The following GPR173 variants were observed in gnomAD, a reference collection of about 807,000 sequenced individuals.
GPR173 encodes the protein G protein-coupled receptor 173, also known as probable G protein-coupled receptor 173.
In GPR173, 2 loss-of-function variants were observed where a neutral mutation model predicts 13.9. The ratio of observed to expected loss-of-function variants is 0.14; its 90% CI spans 0.06 to 0.45. GPR173 has a LOEUF of 0.45. Ranked by LOEUF, GPR173 falls within the 20% of genes least tolerant of loss-of-function variation. The probability of loss-of-function intolerance (pLI) is 0.98; values close to 1 mark genes in which losing one functional copy is unlikely to be tolerated. For missense variants in GPR173, 202 were observed against 340.5 expected, an observed-to-expected ratio of 0.59 and a Z score of 3.20; for synonymous variants, 131 against 141.0, an observed-to-expected ratio of 0.93 and a Z score of 0.50.
intron 1 of GPR173, among the ~76,000 whole-genome samples, chrX:53,064,421 T>C (rs1556804073): frequency 9.1e-6 from 1 of 109,984 alleles, no homozygotes; most frequent in East Asian, 2.8e-4. Context: ...ATACAAAAAT[T>C]AGCTGGGCAT....
chrX:53,073,961 ATAAATATATATTTATATT>A lies in GPR173; in HGVS notation c.-97-2561_-97-2544del, dbSNP rs1389864716. Among the ~76,000 whole-genome samples the A allele has an allele frequency of 2.6e-3, 88 of 33,647 alleles. 2 individuals carry two copies. The highest frequency in any genetic ancestry group is 0.042 in the Middle Eastern group (1 of 24). 29.2% of individuals were successfully genotyped at this position (33,647 alleles called of 115,157 possible). A position where few individuals can be genotyped will look rare whatever the true frequency, so the allele number is the denominator to read the frequency against. ...AATATATATTTATGTATATTTATAT[ATAAATATATATTTATATT>A]TATATATAAATATACATAAATATAT... is the stretch of plus-strand genomic sequence containing the variant. On this transcript the variant is annotated intron_variant, in intron 1 of 1. Transcript: ENST00000332582.
chrX:53,062,759 T>C (rs1012848329), intron 1 of GPR173, among the ~76,000 whole-genome samples: 28 of 108,093 alleles, frequency 2.6e-4, no homozygotes, highest in African/African-American at 9.4e-4. Context: ...CCCAGGCTGG[T>C]CTTGAACTCC....
At chrX:53,051,573 T>C (rs1931956875) in intron 1 of GPR173, among the ~76,000 whole-genome samples, 1 of 110,240 alleles carries the variant, frequency 9.1e-6, no homozygotes, top group South Asian at 3.9e-4. Context: ...TGGGTAGGCT[T>C]GTGTGTGTAC....
At chrX:53,072,702 C>A (rs1556804913) in intron 1 of GPR173, among the ~76,000 whole-genome samples, 1 of 110,683 alleles carries the variant, frequency 9.0e-6, no homozygotes, top group African/African-American at 3.3e-5. Context: ...CTCTGCCTCC[C>A]CTCAAGGTAA....
At chrX:53,071,830 G>C (rs1932261526) in intron 1 of GPR173, among the ~76,000 whole-genome samples, 1 of 112,209 alleles carries the variant, frequency 8.9e-6, no homozygotes, top group Admixed American at 9.5e-5. Flanking sequence ...GTGTGCATAT[G>C]TGTGTGAGTG....
At chrX:53,067,637 A>G (rs1189293769) in intron 1 of GPR173, among the ~76,000 whole-genome samples, 2 of 111,172 alleles carry the variant, frequency 1.8e-5, no homozygotes, top group South Asian at 7.5e-4. Context: ...CATCCTGGCT[A>G]ACACAGTGAA....
At chrX:53,070,776 G>A (rs782030968) in intron 1 of GPR173, among the ~76,000 whole-genome samples, 23 of 111,374 alleles carry the variant, frequency 2.1e-4, no homozygotes, top group African/African-American at 6.8e-4. Flanking sequence ...GAGCCACCAC[G>A]CCTGGCCCTC....
intron 1 of GPR173, among the ~76,000 whole-genome samples, chrX:53,069,287 AC>A (rs1267290086): frequency 5.5e-5 from 6 of 109,043 alleles, no homozygotes; most frequent in Admixed American, 2.0e-4. Context: ...AAAAAAAAAA[AC>A]AGAAAAGAAA....
At position 53,072,393 on chromosome X, in the gene GPR173, G is replaced by GCTCTCTCTCTCTCT. The variant is rs111935395; in HGVS notation, c.-97-4121_-97-4108dup. On this transcript the variant is annotated intron_variant, in intron 1 of 1. Coordinates refer to ENST00000332582, the MANE Select transcript of GPR173 (RefSeq NM_018969.6). Reference sequence around the variant, plus strand: ...TCCCTGCTCTCCTTTTCTCTCTCTTGCTCTCTCTCTCTCTCTCTCTCTCTA... The same window carrying GCTCTCTCTCTCTCT: ...TCCCTGCTCTCCTTTTCTCTCTCTTGCTCTCTCTCTCTCTCTCTCTCTCTCTCTCTCTCTCTCTA... Among the ~76,000 whole-genome samples, 128 of 90,096 alleles carry GCTCTCTCTCTCTCT rather than the reference G, an allele frequency of 1.4e-3. 1 individual carries two copies. The Middle Eastern group carries it at 0.017, about 12-fold the overall frequency. 78.2% of individuals were successfully genotyped at this position (90,096 alleles called of 115,157 possible).
chrX:53,054,729 T>C, intron 1 of GPR173, among the ~76,000 whole-genome samples: 1 of 108,242 alleles, frequency 9.2e-6, no homozygotes, highest in East Asian at 2.9e-4. Context: ...GATGGTGAGA[T>C]AGGGTGGGGG....
intron 1 of GPR173, among the ~76,000 whole-genome samples, chrX:53,074,692 TA>T (rs782101352): frequency 1.1e-5 from 1 of 87,521 alleles, no homozygotes; most frequent in African/African-American, 4.6e-5. Flanking sequence ...ATATTATAAA[TA>T]AATATATAAA....
chrX:53,055,548 T>G (rs1039300546), intron 1 of GPR173, among the ~76,000 whole-genome samples: 1 of 110,113 alleles, frequency 9.1e-6, no homozygotes, highest in African/African-American at 3.3e-5. Flanking sequence ...GGATGGGTTG[T>G]GTAAAAGAGA....
chrX:53,049,975 T>TGTGTGTGTGC lies in GPR173; in HGVS notation c.-98+492_-98+493insTGTGTGTGCG, dbSNP rs782276225. Among the ~76,000 whole-genome samples, 149 of 104,917 alleles carry TGTGTGTGTGC rather than the reference T, an allele frequency of 1.4e-3. 2 individuals carry two copies. The highest frequency in any genetic ancestry group is 5.3e-3 in the African/African-American group (145 of 27,459). The allele number at this position is 104,917 out of a possible 115,157, so 91.1% of individuals were successfully genotyped here. On this transcript the variant is annotated intron_variant, in intron 1 of 1. Coordinates refer to ENST00000332582, the MANE Select transcript of GPR173 (RefSeq NM_018969.6). The stretch of plus-strand genomic sequence containing the variant: ...GTGTGTGTGTGTGTGTGTGTGTGTG[T>TGTGTGTGTGC]GCACCTGGGTAGCAAGCAGGTGGGT...
At chrX:53,074,061 A>T (rs1392549230) in intron 1 of GPR173, among the ~76,000 whole-genome samples, 3 of 30,898 alleles carry the variant, frequency 9.7e-5, no homozygotes, top group Admixed American at 5.2e-4. Context: ...TATATTTATA[A>T]ATATATAAAT....
At chrX:53,072,137 T>TG (rs1354103599) in intron 1 of GPR173, among the ~76,000 whole-genome samples, 2 of 90,009 alleles carry the variant, frequency 2.2e-5, no homozygotes, top group African/African-American at 4.1e-5. Flanking sequence ...TGCTATTGTT[T>TG]GGGGGGGATG....
At chrX:53,074,759 A>G (rs1257994265) in intron 1 of GPR173, among the ~76,000 whole-genome samples, 1 of 94,779 alleles carries the variant, frequency 1.1e-5, no homozygotes, top group Non-Finnish European at 2.0e-5. Flanking sequence ...ATATATAAAT[A>G]TATATAATTT....
intron 1 of GPR173, among the ~76,000 whole-genome samples, chrX:53,072,670 C>T (rs192528573): frequency 9.0e-6 from 1 of 110,835 alleles, no homozygotes; most frequent in East Asian, 2.8e-4. Context: ...CATTCAGTCT[C>T]TGTCTGTCTC....
At chrX:53,054,917 T>C (rs781816097) in intron 1 of GPR173, among the ~76,000 whole-genome samples, 2 of 109,044 alleles carry the variant, frequency 1.8e-5, no homozygotes, top group South Asian at 8.1e-4. Flanking sequence ...CACAAGTGTA[T>C]CTAGGCAATG....
At chrX:53,061,078 C>T (rs1187663904) in intron 1 of GPR173, among the ~76,000 whole-genome samples, 1 of 108,548 alleles carries the variant, frequency 9.2e-6, no homozygotes, top group Non-Finnish European at 1.9e-5. Context: ...CAAAAATTAG[C>T]CGGGCGTGAT....
Sources: gnomAD v4.1 joint callset for allele counts (sites outside exome capture counted in the v4.1 genomes callset) on GRCh38, gnomAD v4.1.1 for gene constraint, MANE v1.5 for transcripts, NCBI Gene and HGNC (gene_info 2026-07-23, HGNC 2026-07-21) for gene names.